Variants in MDGA2 observed in about 807,000 individuals in gnomAD.
The protein encoded by MDGA2 is MAM domain-containing glycosylphosphatidylinositol anchor protein 2.
Under a neutral mutation model 117.8 loss-of-function variants are expected in MDGA2, and 40 were observed. The observed-to-expected ratio is 0.34, with a 90% CI of 0.26 to 0.44. The LOEUF is 0.44. MDGA2 is among the 20% of genes least tolerant of loss of function. The pLI, the probability that MDGA2 is intolerant of heterozygous loss-of-function variation, is 1.00. For synonymous variants in MDGA2, 452 were observed against 439.0 expected (o/e 1.03, Z -0.37); for missense variants, 1,123 against 1,250.6 (o/e 0.90, Z 1.54).
chr14:47,155,760 C>T (rs1444773354), intron 3 of MDGA2, among the ~76,000 whole-genome samples: 1 of 152,062 alleles, frequency 6.6e-6, no homozygotes, highest in Non-Finnish European at 1.5e-5. Context: ...CCCAGTGAAA[C>T]TGAGCAAAAC....
At chr14:47,334,056 G>C (rs903508700) in intron 1 of MDGA2, among the ~76,000 whole-genome samples, 1 of 151,608 alleles carries the variant, frequency 6.6e-6, no homozygotes, top group African/African-American at 2.4e-5. Flanking sequence ...GTCTATAATG[G>C]AATTAGGACT....
intron 1 of MDGA2, among the ~76,000 whole-genome samples, chr14:47,366,348 G>A (rs1891231022): frequency 6.7e-6 from 1 of 148,738 alleles, no homozygotes; most frequent in Non-Finnish European, 1.5e-5. Context: ...TGGCTCTGAT[G>A]TATTAGTCTG....
chr14:47,184,297 C>T (rs1158790070), intron 3 of MDGA2, among the ~76,000 whole-genome samples: 2 of 151,836 alleles, frequency 1.3e-5, no homozygotes, highest in Admixed American at 6.6e-5. Flanking sequence ...TGTATTTATT[C>T]ATGAATGATT....
intron 1 of MDGA2, among the ~76,000 whole-genome samples, chr14:47,350,942 C>T (rs890155158): frequency 6.6e-6 from 1 of 152,194 alleles, no homozygotes; most frequent in African/African-American, 2.4e-5. Flanking sequence ...GACGGAGTCT[C>T]GCTGCAACAC....
chr14:47,656,895 G>A (rs1269024637), intron 1 of MDGA2, among the ~76,000 whole-genome samples: 2 of 152,148 alleles, frequency 1.3e-5, no homozygotes, highest in Admixed American at 1.3e-4. Flanking sequence ...CTTTGTCTCT[G>A]CCTCAAACTA....
intron 2 of MDGA2, among the ~76,000 whole-genome samples, chr14:47,296,608 A>G (rs1227394892): frequency 6.6e-6 from 1 of 152,194 alleles, no homozygotes; most frequent in East Asian, 1.9e-4. Context: ...ACTTTCTTGA[A>G]TCAAATTGAC....
intron 5 of MDGA2, among the ~76,000 whole-genome samples, chr14:47,115,070 TG>T (rs1881253510): frequency 6.6e-6 from 1 of 151,842 alleles, no homozygotes; most frequent in South Asian, 2.1e-4. Flanking sequence ...AGGACAAAAG[TG>T]ATCAACATTC....
intron 1 of MDGA2, among the ~76,000 whole-genome samples, chr14:47,613,090 T>C (rs1411659520): frequency 2.0e-5 from 3 of 152,204 alleles, no homozygotes; most frequent in East Asian, 3.9e-4. Flanking sequence ...ATTGTGATCA[T>C]TGTTATAGTT....
At chr14:47,252,155 G>A (rs180921122) in intron 2 of MDGA2, among the ~76,000 whole-genome samples, 63 of 151,910 alleles carry the variant, frequency 4.1e-4, no homozygotes, top group South Asian at 1.2e-3. Context: ...ACAGCTAAAG[G>A]GAAAGTGGAT....
chr14:47,198,550 C>A (rs10143127), intron 3 of MDGA2, among the ~76,000 whole-genome samples: 27 of 151,642 alleles, frequency 1.8e-4, no homozygotes, highest in Middle Eastern at 3.4e-3. Flanking sequence ...CCAGCCTGGG[C>A]GACAGAGCGA....
At chr14:47,176,346 A>C (rs1198381778) in intron 3 of MDGA2, among the ~76,000 whole-genome samples, 1 of 152,174 alleles carries the variant, frequency 6.6e-6, no homozygotes, top group African/African-American at 2.4e-5. Context: ...TTGCCAAGTC[A>C]ATCCTAAGCC....
At chr14:46,941,966 G>C (rs929383471) in intron 9 of MDGA2, among the ~76,000 whole-genome samples, 25 of 152,134 alleles carry the variant, frequency 1.6e-4, no homozygotes, top group Non-Finnish European at 1.3e-4. Flanking sequence ...TTACACAGCA[G>C]TGACTGTCTC....
intron 10 of MDGA2, among the ~76,000 whole-genome samples, chr14:46,898,847 G>A (rs772100559): frequency 3.0e-4 from 46 of 152,078 alleles, no homozygotes; most frequent in Admixed American, 9.2e-4. Context: ...CATATAGATG[G>A]CATCAACAAA....
intron 10 of MDGA2, among the ~76,000 whole-genome samples, chr14:46,901,993 G>T (rs1883304847): frequency 6.6e-6 from 1 of 152,130 alleles, no homozygotes; most frequent in Non-Finnish European, 1.5e-5. Flanking sequence ...GATGCCACTA[G>T]GTTTAAGTGC....
intron 2 of MDGA2, among the ~76,000 whole-genome samples, chr14:47,267,781 T>C (rs979715182): frequency 6.6e-6 from 1 of 152,188 alleles, no homozygotes; most frequent in Non-Finnish European, 1.5e-5. Flanking sequence ...TTATTTATTA[T>C]GAATGATATA....
At chr14:47,358,348 A>T (rs1307204426) in intron 1 of MDGA2, among the ~76,000 whole-genome samples, 1 of 152,128 alleles carries the variant, frequency 6.6e-6, no homozygotes. Flanking sequence ...TACTTGTTAA[A>T]AGTAATAAAA....
At chr14:47,251,361 A>G (rs1426827143) in intron 2 of MDGA2, among the ~76,000 whole-genome samples, 3 of 152,194 alleles carry the variant, frequency 2.0e-5, no homozygotes, top group Admixed American at 2.0e-4. Context: ...GTTCTCCACT[A>G]AAATGTAAGC....
chr14:46,899,587 A>G (rs910890275), intron 10 of MDGA2, among the ~76,000 whole-genome samples: 8 of 151,822 alleles, frequency 5.3e-5, no homozygotes, highest in Admixed American at 2.6e-4. Context: ...AAGCTCAACC[A>G]TGATAAATAA....
intron 2 of MDGA2, among the ~76,000 whole-genome samples, chr14:47,252,725 G>T (rs1887488148): frequency 6.6e-6 from 1 of 152,252 alleles, no homozygotes; most frequent in Middle Eastern, 3.4e-3. Flanking sequence ...AATACAGCAA[G>T]AACTGGCAAA....
Sources: allele counts gnomAD v4.1 joint callset (sites outside exome capture counted in the v4.1 genomes callset), GRCh38; gene constraint gnomAD v4.1.1; transcripts MANE v1.5; gene names NCBI Gene and HGNC (gene_info 2026-07-23, HGNC 2026-07-21).